Variants in GGA2 observed in about 807,000 individuals in gnomAD.
GGA2 encodes ADP-ribosylation factor-binding protein GGA2.
In GGA2, 48 loss-of-function variants were observed where a neutral mutation model predicts 79.5. The ratio of observed to expected loss-of-function variants is 0.60; its 90% CI spans 0.48 to 0.77. The LOEUF is 0.77. Ranked by LOEUF, GGA2 falls within the 30% of genes least tolerant of loss-of-function variation. GGA2 has a pLI of 0.00. For missense variants in GGA2, 770 were observed against 774.0 expected, an observed-to-expected ratio of 0.99 and a Z score of 0.06; for synonymous variants, 317 against 302.0, an observed-to-expected ratio of 1.05 and a Z score of -0.51.
intron 1 of GGA2, among the ~76,000 whole-genome samples, chr16:23,508,789 CTCT>C (rs967854933): frequency 3.3e-5 from 5 of 152,194 alleles, no homozygotes; most frequent in Non-Finnish European, 7.3e-5. Flanking sequence ...TAGAGGGCAT[CTCT>C]TTTTTGACTA....
chr16:23,467,620 G>A lies in GGA2; in HGVS notation c.1812C>T (p.Phe604=), dbSNP rs761387519. The change falls in exon 17 of 17, where the codon TTC becomes TTT. Residue 604 remains phenylalanine, a synonymous_variant. Transcript: ENST00000309859. ...PFSEVGEVKD[F]PDLAVLGAA ...CTGCGCCCAAGACAGCCAGGTCTGG[G>A]AAGTCTTTCACTTCTCCTACTTCGC... The A allele has an allele frequency of 3.8e-6, 6 of 1,599,846 alleles. No homozygotes were observed. In the Admixed American group the frequency reaches 8.3e-5, roughly 22 times the overall value.
intron 2 of GGA2, among the ~76,000 whole-genome samples, chr16:23,516,064 G>C (rs1356694583): frequency 6.6e-6 from 1 of 150,466 alleles, no homozygotes; most frequent in African/African-American, 2.5e-5. Flanking sequence ...CTGGAGAGCA[G>C]TGGTACAATC....
rs1340080007 is a variant in GGA2, at chr16:23,480,274, G to A, written c.1006+371C>T. 4 of 307,878 alleles carry A rather than the reference G, an allele frequency of 1.3e-5. No homozygotes were observed. In the Admixed American group the frequency reaches 1.8e-4, roughly 14 times the overall value. 19.1% of individuals were successfully genotyped at this position (307,878 alleles called of 1,614,324 possible). A position where few individuals can be genotyped will look rare whatever the true frequency, so the allele number is the denominator to read the frequency against. ...AGCAGTCTTGATTCAGAAGGTCCAA[G>A]CCAGGGACCGCATTTCAACCAGTGC... On this transcript the variant is annotated intron_variant, in intron 10 of 16. Transcript: ENST00000309859.
In GGA2 at chr16:23,486,778, G is replaced by A. The variant is rs371749122; in HGVS notation, c.592C>T (p.Leu198Phe). The change falls in exon 7 of 17, where the codon CTT becomes TTT. Residue 198 changes from leucine (L) to phenylalanine (F), a missense_variant. Leu to Phe is a conservative substitution (Grantham distance 22, BLOSUM62 0). Transcript: ENST00000309859. ...DEEKSKLLTR[L>F]LKSNHPEDLQ... ...TCCTCGGGGTGGTTGCTCTTTAGAA[G>A]CCTTGTCAGAAGCTGCAGAGAGTGA... 3.0e-5 allele frequency: 49 copies of A among 1,606,556 alleles called. No homozygotes were observed. The highest frequency in any genetic ancestry group is 4.0e-5 in the Non-Finnish European group (47 of 1,173,188).
intron 10 of GGA2, chr16:23,480,150 T>C (rs1964629615): frequency 2.2e-6 from 1 of 444,692 alleles, no homozygotes; most frequent in East Asian, 4.5e-5. Flanking sequence ...GAAAGCAGAT[T>C]CGGCCTTCTC....
intron 1 of GGA2, chr16:23,501,604 C>T (rs555990505): frequency 9.5e-5 from 27 of 284,374 alleles, no homozygotes; most frequent in African/African-American, 4.2e-4. Flanking sequence ...ATCAACATGC[C>T]GCTGCTATAA....
intron 16 of GGA2, 64 bp from the exon 17 acceptor site, chr16:23,467,764 T>C (rs1964460340): frequency 2.5e-6 from 2 of 799,092 alleles, no homozygotes; most frequent in Non-Finnish European, 4.5e-6. Flanking sequence ...GGGGTCAATG[T>C]TAAGTCAAGT....
At chr16:23,496,741 G>A (rs1475176535) in intron 1 of GGA2, among the ~76,000 whole-genome samples, 1 of 152,150 alleles carries the variant, frequency 6.6e-6, no homozygotes. Flanking sequence ...TAGATCACTT[G>A]AGTTCAGGAG....
upstream of GGA2, among the ~76,000 whole-genome samples, chr16:23,513,968 C>T (rs1965089138): frequency 6.6e-6 from 1 of 152,068 alleles, no homozygotes; most frequent in Admixed American, 6.6e-5. Flanking sequence ...GATCCCCCCA[C>T]CTAAGTCTAA....
At chr16:23,519,897 A>C (rs1005615574) in intron 1 of GGA2, among the ~76,000 whole-genome samples, 1 of 152,194 alleles carries the variant, frequency 6.6e-6, no homozygotes, top group Non-Finnish European at 1.5e-5. Context: ...TCTAAGGATG[A>C]AAATAATGGT....
chr16:23,503,986 CAGG>C (rs1964947422), intron 1 of GGA2, among the ~76,000 whole-genome samples: 1 of 151,696 alleles, frequency 6.6e-6, no homozygotes, highest in Admixed American at 6.6e-5. Context: ...GAGGCTAAAG[CAGG>C]AGAATTGCTT....
intron 9 of GGA2, among the ~76,000 whole-genome samples, chr16:23,481,468 C>A (rs1567361980): frequency 6.6e-6 from 1 of 152,024 alleles, no homozygotes; most frequent in Non-Finnish European, 1.5e-5. Flanking sequence ...ATTCAGAGGG[C>A]CTATTTTCAT....
In GGA2 at chr16:23,510,454, TC is replaced by T; in HGVS notation, c.-44del. On this transcript the variant is annotated 5_prime_UTR_variant, in exon 1 of 17. Transcript: ENST00000309859. ...TGCGGCCGCGGGCGCCACTGCCTCT[TC>T]AGCCGCTGTAGCGTCCTGGCGCTCT... 1 of 775,770 alleles carries T rather than the reference TC, an allele frequency of 1.3e-6. No homozygotes were observed. Among genetic ancestry groups the T allele is most frequent in the Non-Finnish European group, 1.8e-6 (1 of 555,746 alleles). The allele number at this position is 775,770 out of a possible 1,614,324, so 48.1% of individuals were successfully genotyped here. A position where few individuals can be genotyped will look rare whatever the true frequency, so the allele number is the denominator to read the frequency against.
intron 6 of GGA2, among the ~76,000 whole-genome samples, chr16:23,486,998 T>TTTTTTTG (rs1401367335): frequency 6.0e-4 from 91 of 151,252 alleles, no homozygotes; most frequent in Non-Finnish European, 9.8e-4. Flanking sequence ...TTTTTTTTTT[T>TTTTTTTG]TTGAGACGGG....
At chr16:23,495,886 G>A in intron 1 of GGA2, 108 bp from the exon 2 acceptor site, 1 of 641,922 alleles carries the variant, frequency 1.6e-6, no homozygotes, top group Non-Finnish European at 2.7e-6. Flanking sequence ...TACAGGATCA[G>A]ACCAGTGGGC....
At position 23,467,450 on chromosome 16, in the gene GGA2, A is replaced by AC; in HGVS notation, c.*139_*140insG. The AC allele has an allele frequency of 1.6e-6, 1 of 615,040 alleles. No homozygotes were observed. The highest frequency in any genetic ancestry group is 3.0e-6 in the Non-Finnish European group (1 of 336,960). The allele number at this position is 615,040 out of a possible 1,614,324, so 38.1% of individuals were successfully genotyped here. On this transcript the variant is annotated 3_prime_UTR_variant, in exon 17 of 17. Transcript: ENST00000309859. ...CACACACACAGAGCATCTGCAGAAT[A>AC]AGTCAGAGGTTGACACCCAGAGCCT...
exon 1 of GGA2, chr16:23,521,870 C>CAGAGTTA: frequency 2.2e-6 from 1 of 455,988 alleles, no homozygotes; most frequent in South Asian, 1.5e-5. Flanking sequence ...CTCAGTAGAT[C>CAGAGTTA]AGAGTTAAGC....
upstream of GGA2, among the ~76,000 whole-genome samples, chr16:23,514,319 G>A (rs1353447710): frequency 6.6e-6 from 1 of 152,114 alleles, no homozygotes; most frequent in African/African-American, 2.4e-5. Flanking sequence ...TGTTGGCCAA[G>A]CTGGTCTTGA....
Position 23,482,995 on chromosome 16 carries a change from C to T in GGA2, c.808G>A (p.Glu270Lys), listed in dbSNP as rs779390978. 6 of 1,609,394 alleles carry T rather than the reference C, an allele frequency of 3.7e-6. No individual in the cohort carries two copies. The highest frequency in any genetic ancestry group is 5.1e-6 in the Non-Finnish European group (6 of 1,175,854). Residue 270 changes from glutamate to lysine, a missense_variant, in exon 9 of 17, where the codon GAG becomes AAG. Transcript: ENST00000309859. ...PDQEALQVVY[E>K]RCEKLRPTLF... is the part of the protein sequence containing the mutation. ...GTGGGCCGCAGCTTTTCACACCTCT[C>T]ATACACGACCTGAAAGAGCAGAGCT...
Sources: allele counts gnomAD v4.1 joint callset (sites outside exome capture counted in the v4.1 genomes callset), GRCh38; gene constraint gnomAD v4.1.1; transcripts MANE v1.5; gene names NCBI Gene and HGNC (gene_info 2026-07-23, HGNC 2026-07-21).